The following SPOCD1 variants were observed in gnomAD, a reference collection of about 807,000 sequenced individuals.
SPOCD1 encodes the protein SPOC domain containing 1, also known as SPOC domain-containing protein 1.
In SPOCD1, 64 loss-of-function variants were observed where a neutral mutation model predicts 92.2. The observed-to-expected ratio is 0.69, with a 90% confidence interval of 0.57 to 0.86. The LOEUF is 0.86. Ranked by LOEUF, SPOCD1 falls within the 40% of genes least tolerant of loss-of-function variation. The pLI, the probability that SPOCD1 is intolerant of heterozygous loss-of-function variation, is 0.00. For missense variants in SPOCD1, 1,360 were observed against 1,543.1 expected (o/e 0.88, Z 1.99); for synonymous variants, 578 against 619.3 (o/e 0.93, Z 0.99).
chr1:31,815,081 G>A lies in SPOCD1; in HGVS notation c.253C>T (p.Leu85=), dbSNP rs2123997482. 1 of 1,613,738 alleles carries A rather than the reference G, an allele frequency of 6.2e-7. No homozygotes were observed. Among genetic ancestry groups the A allele is most frequent in the Admixed American group, 1.7e-5 (1 of 60,024 alleles). ...AAEVRPGVLE[L]LAVVQSRGSM... is the part of the protein sequence containing the mutation. ...CCCCGGCTCTGTACCACAGCTAGCA[G>A]CTCCAAGACCCCTGGCCGGACCTCA... Residue 85 remains leucine, a synonymous_variant, in exon 2 of 16, where the codon CTG becomes TTG. Coordinates refer to ENST00000360482, the MANE Select transcript of SPOCD1 (RefSeq NM_144569.7).
chr1:31,807,206 G>A (rs1472405857), intron 2 of SPOCD1, among the ~76,000 whole-genome samples: 1 of 148,644 alleles, frequency 6.7e-6, no homozygotes, highest in Non-Finnish European at 1.5e-5. Context: ...GGCCAACATG[G>A]CAAAACTCCA....
At chr1:31,795,472 A>G (rs2149099321) in intron 10 of SPOCD1, 1 of 152,364 alleles carries the variant, frequency 6.6e-6, no homozygotes, top group South Asian at 2.1e-4. Context: ...TGTTCAATAA[A>G]CAGTAAAGAT....
chr1:31,800,998 C>T lies in SPOCD1; in HGVS notation c.1426-381G>A, dbSNP rs190144559. Among the ~76,000 whole-genome samples the T allele has an allele frequency of 2.7e-3, 414 of 152,340 alleles. 1 individual carries two copies. Among genetic ancestry groups the T allele is most frequent in the Non-Finnish European group, 3.8e-3 (257 of 68,028 alleles). ...GAGGGACATACCTTGTTCTGACTCC[C>T]CCTCCTCCTGCTCAAAGCTCTGTCA... On this transcript the variant is annotated intron_variant, in intron 3 of 15. Transcript: ENST00000360482.
rs750561813 is a variant in SPOCD1, at chr1:31,791,102, T to A, written c.3152A>T (p.Asp1051Val). Reference sequence around the variant, plus strand: ...CAGGGGCACATTCGGCCTCCTGTCATCTGGCTGATAGTATCTCTTCTCCAC... The same window carrying A: ...CAGGGGCACATTCGGCCTCCTGTCAACTGGCTGATAGTATCTCTTCTCCAC... ...SKVEKRYYQPDDRRPNVPLKG... is the reference protein window; with the variant it reads ...SKVEKRYYQPVDRRPNVPLKG... Residue 1051 changes from aspartate to valine, a missense_variant, in exon 16 of 16, where the codon GAT (aspartate) becomes GTT (valine). Coordinates refer to ENST00000360482, the MANE Select transcript of SPOCD1 (RefSeq NM_144569.7). 2 of 1,613,034 alleles carry A rather than the reference T, an allele frequency of 1.2e-6. No homozygotes were observed. Among genetic ancestry groups the A allele is most frequent in the Non-Finnish European group, 1.7e-6 (2 of 1,179,928 alleles).
Position 31,793,434 on chromosome 1 carries a change from G to A in SPOCD1, c.2535-6C>T. On this transcript the variant is annotated splice_region_variant and splice_polypyrimidine_tract_variant and intron_variant, in intron 12 of 15. Coordinates refer to ENST00000360482, the MANE Select transcript of SPOCD1 (RefSeq NM_144569.7). ...GGAGCCCAGATGGAGGGACCCTAGA[G>A]GGAGGGACAGAAGACAGGGCCAGAC... is the stretch of plus-strand genomic sequence containing the variant. The A allele has an allele frequency of 1.9e-6, 3 of 1,584,852 alleles. No individual in the cohort carries two copies. The highest frequency in any genetic ancestry group is 1.8e-5 in the Admixed American group (1 of 55,344).
chr1:31,809,092 G>C (rs781476004), intron 2 of SPOCD1, among the ~76,000 whole-genome samples: 33 of 152,160 alleles, frequency 2.2e-4, no homozygotes, highest in Non-Finnish European at 3.2e-4. Flanking sequence ...GGGAGGCTGA[G>C]GCAGGAGAAT....
At chr1:31,799,946 C>A (rs1570170207) in intron 5 of SPOCD1, 70 bp downstream of exon 5, 1 of 1,612,690 alleles carries the variant, frequency 6.2e-7, no homozygotes, top group East Asian at 2.2e-5. Flanking sequence ...CTAGTCACCT[C>A]CCCACTCCCA....
In SPOCD1 at chr1:31,814,620, C is replaced by G. The variant is rs148988598; in HGVS notation, c.714G>C (p.Leu238=). ...CAACTTGGGGAGGGTCTCCCACAGA[C>G]AGGAGGTTGTCCCCACGAGGGCTCT... ...LDQSPRGDNL[L]SVGDPPQVAD... The change falls in exon 2 of 16, where the codon CTG becomes CTC. Residue 238 remains leucine (L), a synonymous_variant. Coordinates refer to ENST00000360482, the MANE Select transcript of SPOCD1 (RefSeq NM_144569.7). The surrounding 1 kb of genome is among the most constrained non-coding windows in gnomAD (Gnocchi z 4.2). 430 of 1,533,682 alleles carry G rather than the reference C, an allele frequency of 2.8e-4. No individual in the cohort carries two copies. Among genetic ancestry groups the G allele is most frequent in the Admixed American group, 5.0e-4 (24 of 48,198 alleles).
chr1:31,792,185 C>T (rs2149094690), intron 15 of SPOCD1, 30 bp downstream of exon 15: 1 of 1,573,126 alleles, frequency 6.4e-7, no homozygotes, highest in Non-Finnish European at 8.6e-7. Context: ...TGAGCAGAGG[C>T]AGGGTCTGGT....
Position 31,798,459 on chromosome 1 carries a change from G to T in SPOCD1, c.2011C>A (p.Arg671=). The part of the protein sequence containing the change: ...TKYRSLLFNL[R]DPRNLDLFLK... ...CTGCTCACCAGGTTCCTGGGGTCCC[G>T]CAGGTTGAACAGCAGGCTGCGATAC... is the stretch of plus-strand genomic sequence containing the variant. Residue 671 remains arginine, a synonymous_variant, in exon 8 of 16, where the codon CGG becomes AGG. Transcript: ENST00000360482. The surrounding 1 kb of genome is among the most constrained non-coding windows in gnomAD (Gnocchi z 4.1). 3 of 1,611,206 alleles carry T rather than the reference G, an allele frequency of 1.9e-6. No homozygotes were observed. The highest frequency in any genetic ancestry group is 2.5e-6 in the Non-Finnish European group (3 of 1,178,280).
At position 31,794,296 on chromosome 1, in the gene SPOCD1, C is replaced by T. The variant is rs1255208630; in HGVS notation, c.2272-61G>A. 1.7e-5 allele frequency: 22 copies of T among 1,319,202 alleles called. 1 individual carries two copies. In the South Asian group the frequency reaches 2.6e-4, roughly 16 times the overall value. The allele number at this position is 1,319,202 out of a possible 1,614,324, so 81.7% of individuals were successfully genotyped here. On this transcript the variant is annotated intron_variant, in intron 10 of 15. Coordinates refer to ENST00000360482, the MANE Select transcript of SPOCD1 (RefSeq NM_144569.7). ...GTGGCTGGGGGTGCCCGGAGGCCTC[C>T]ATGGGTAGGGGGCCCCAGGATGTGG...
At chr1:31,804,985 C>CTTTTTT (rs1207433481) in intron 2 of SPOCD1, among the ~76,000 whole-genome samples, 6 of 105,898 alleles carry the variant, frequency 5.7e-5, no homozygotes, top group South Asian at 3.5e-4. Flanking sequence ...TTCTTTCTTT[C>CTTTTTT]TTTTTTTTTT....
intron 9 of SPOCD1, among the ~76,000 whole-genome samples, chr1:31,797,732 A>C (rs1648124496): frequency 6.6e-6 from 1 of 152,342 alleles, no homozygotes; most frequent in Non-Finnish European, 1.5e-5. Context: ...TCCCTGTCCC[A>C]GAGCAGTTCC....
Position 31,800,578 on chromosome 1 carries a change from T to G in SPOCD1, c.1465A>C (p.Ser489Arg). The G allele has an allele frequency of 1.2e-6, 2 of 1,610,574 alleles. No homozygotes were observed. The highest frequency in any genetic ancestry group is 4.5e-5 in the East Asian group (2 of 44,808). ...GPVIQLLGAI[S>R]HGQAGGQLPP... ...AGCTGCCCCCCTGCCTGGCCGTGGC[T>G]GATGGCCCCCAGGAGCTGGATCACT... Residue 489 changes from serine (S) to arginine (R), a missense_variant, in exon 4 of 16, where the codon AGC becomes CGC. Transcript: ENST00000360482.
chr1:31,803,532 A>C (rs994818241), intron 2 of SPOCD1, among the ~76,000 whole-genome samples: 1 of 151,644 alleles, frequency 6.6e-6, no homozygotes. Context: ...CAGAAGTTTG[A>C]GAGCAGCCTG....
intron 2 of SPOCD1, among the ~76,000 whole-genome samples, chr1:31,805,094 G>A (rs1167148282): frequency 6.7e-6 from 1 of 149,888 alleles, no homozygotes; most frequent in East Asian, 2.0e-4. Flanking sequence ...CGATTCTCCT[G>A]CCTAGGCTTT....
At position 31,796,718 on chromosome 1, in the gene SPOCD1, G is replaced by A; in HGVS notation, c.2146-3C>T. 6.2e-7 allele frequency: 1 copy of A among 1,614,236 alleles called. No homozygotes were observed. The highest frequency in any genetic ancestry group is 8.5e-7 in the Non-Finnish European group (1 of 1,180,042). ...TGCTGCTCAATGATATTCAGGCCCT[G>A]AAGAGGTGGAGCAGGCCAAGCTGAG... On this transcript the variant is annotated splice_polypyrimidine_tract_variant and splice_region_variant and intron_variant, in intron 9 of 15. Transcript: ENST00000360482.
At chr1:31,813,693 G>C (rs1420590950) in intron 2 of SPOCD1, among the ~76,000 whole-genome samples, 1 of 152,186 alleles carries the variant, frequency 6.6e-6, no homozygotes, top group African/African-American at 2.4e-5. Flanking sequence ...CATTCAGCTA[G>C]GAAGTGGGCA....
chr1:31,801,818 C>G, intron 2 of SPOCD1, 113 bp from the exon 3 acceptor site: 1 of 882,074 alleles, frequency 1.1e-6, no homozygotes, highest in Non-Finnish European at 1.9e-6. Flanking sequence ...TCAGTGTTCA[C>G]TGAGTTGTAC....
Sources: gnomAD v4.1 joint callset for allele counts (sites outside exome capture counted in the v4.1 genomes callset) on GRCh38, gnomAD v4.1.1 for gene constraint, Gnocchi (gnomAD v3.1) non-coding constraint, MANE v1.5 for transcripts, NCBI Gene and HGNC (gene_info 2026-07-23, HGNC 2026-07-21) for gene names.